The following ZNF385D variants were observed in gnomAD, a reference collection of about 807,000 sequenced individuals.
ZNF385D encodes zinc finger protein 385D.
A neutral mutation model predicts 35.8 loss-of-function variants in ZNF385D; 15 were observed. The ratio of observed to expected loss-of-function variants is 0.42; its 90% CI spans 0.28 to 0.64. ZNF385D has a LOEUF of 0.64. Among genes scored for constraint, ZNF385D ranks in the 30% least tolerant of loss-of-function variants. ZNF385D has a pLI of 0.23. For synonymous variants in ZNF385D, 212 were observed against 186.8 expected (o/e 1.13, Z -1.10); for missense variants, 474 against 494.6 (o/e 0.96, Z 0.39).
intron 3 of ZNF385D, among the ~76,000 whole-genome samples, chr3:21,768,365 T>C (rs1338733500): frequency 1.3e-5 from 2 of 152,022 alleles, no homozygotes; most frequent in East Asian, 1.9e-4. Flanking sequence ...CTGAGGATCC[T>C]GGGAAGTAGC....
chr3:22,009,896 T>C (rs1205358995), intron 3 of ZNF385D, among the ~76,000 whole-genome samples: 2 of 150,636 alleles, frequency 1.3e-5, no homozygotes, highest in Non-Finnish European at 3.0e-5. Context: ...TTCATAAAAA[T>C]ACAAAATTTT....
intron 3 of ZNF385D, among the ~76,000 whole-genome samples, chr3:22,049,312 T>C (rs1465939855): frequency 3.3e-5 from 5 of 151,216 alleles, no homozygotes; most frequent in Non-Finnish European, 7.4e-5. Flanking sequence ...TAAAATAAAA[T>C]AAAATAAAAT....
At chr3:22,358,127 C>A (rs886771912) in intron 2 of ZNF385D, among the ~76,000 whole-genome samples, 1 of 151,808 alleles carries the variant, frequency 6.6e-6, no homozygotes, top group African/African-American at 2.4e-5. Context: ...TCAAATATTT[C>A]AGCATGTTCA....
At chr3:21,496,481 T>TAC (rs1170739864) in intron 4 of ZNF385D, among the ~76,000 whole-genome samples, 4 of 141,856 alleles carry the variant, frequency 2.8e-5, no homozygotes, top group Non-Finnish European at 6.1e-5. Flanking sequence ...TATACATATA[T>TAC]ACACATATAT....
chr3:21,633,925 G>GGAAA (rs2065351075), intron 2 of ZNF385D, among the ~76,000 whole-genome samples: 1 of 152,046 alleles, frequency 6.6e-6, no homozygotes, highest in Non-Finnish European at 1.5e-5. Context: ...GCTGGGTACA[G>GGAAA]TGGCTCACAT....
intron 1 of ZNF385D, among the ~76,000 whole-genome samples, chr3:21,669,934 C>T (rs933311273): frequency 3.3e-5 from 5 of 152,078 alleles, no homozygotes; most frequent in Non-Finnish European, 7.3e-5. Flanking sequence ...TAATACAACG[C>T]TTTTAACCTT....
At chr3:21,760,302 G>A (rs1025475691) in intron 3 of ZNF385D, among the ~76,000 whole-genome samples, 16 of 152,192 alleles carry the variant, frequency 1.1e-4, no homozygotes, top group Non-Finnish European at 2.1e-4. Flanking sequence ...ACAGCCATAC[G>A]TGAATACAAC....
chr3:22,205,631 A>G (rs942579858), intron 2 of ZNF385D, among the ~76,000 whole-genome samples: 2 of 152,046 alleles, frequency 1.3e-5, no homozygotes, highest in East Asian at 3.9e-4. Flanking sequence ...AGTCTTCATT[A>G]GTTTTCTCTT....
At chr3:22,152,107 T>C (rs1272777779) in intron 3 of ZNF385D, among the ~76,000 whole-genome samples, 3 of 152,138 alleles carry the variant, frequency 2.0e-5, no homozygotes, top group African/African-American at 4.8e-5. Flanking sequence ...CACAGGTTTT[T>C]GGTTTTCTGT....
intron 1 of ZNF385D, among the ~76,000 whole-genome samples, chr3:21,713,745 C>T (rs1304220334): frequency 1.3e-5 from 2 of 152,206 alleles, no homozygotes; most frequent in African/African-American, 4.8e-5. Context: ...ATCTTGTCTT[C>T]TACCCTACCC....
chr3:21,595,380 A>T (rs1026726888), intron 2 of ZNF385D, among the ~76,000 whole-genome samples: 5 of 151,304 alleles, frequency 3.3e-5, no homozygotes, highest in African/African-American at 1.2e-4. Context: ...ATATCCCATT[A>T]TATATGTATG....
At chr3:21,656,056 C>G (rs2066063190) in intron 2 of ZNF385D, among the ~76,000 whole-genome samples, 1 of 151,830 alleles carries the variant, frequency 6.6e-6, no homozygotes, top group South Asian at 2.1e-4. Context: ...GGGTGCTAAA[C>G]TAGCTCCAAA....
intron 2 of ZNF385D, among the ~76,000 whole-genome samples, chr3:22,313,623 G>C (rs1055139494): frequency 2.6e-5 from 4 of 152,252 alleles, no homozygotes; most frequent in African/African-American, 7.2e-5. Flanking sequence ...CTAAGGCAAA[G>C]TGATACAAGT....
intron 3 of ZNF385D, among the ~76,000 whole-genome samples, chr3:21,549,219 A>G (rs1357519553): frequency 6.6e-6 from 1 of 152,192 alleles, no homozygotes; most frequent in East Asian, 1.9e-4. Context: ...TCCTCATTTC[A>G]TCCTCAGATG....
intron 4 of ZNF385D, among the ~76,000 whole-genome samples, chr3:21,502,126 A>G (rs906535699): frequency 1.3e-5 from 2 of 152,138 alleles, no homozygotes; most frequent in Admixed American, 1.3e-4. Context: ...GCTTTCTCTG[A>G]ACTCCTCTTA....
At chr3:22,024,077 C>A (rs1374498323) in intron 3 of ZNF385D, among the ~76,000 whole-genome samples, 1 of 152,160 alleles carries the variant, frequency 6.6e-6, no homozygotes, top group African/African-American at 2.4e-5. Flanking sequence ...TGGGCACAAC[C>A]TAATCAGCTG....
chr3:22,014,372 A>T (rs1199540219), intron 3 of ZNF385D, among the ~76,000 whole-genome samples: 1 of 152,176 alleles, frequency 6.6e-6, no homozygotes, highest in Admixed American at 6.5e-5. Context: ...TCACCTGCCT[A>T]GACAGTGAAA....
intron 2 of ZNF385D, among the ~76,000 whole-genome samples, chr3:22,271,221 C>CAGCAATAT (rs1256726535): frequency 6.6e-6 from 1 of 151,690 alleles, no homozygotes; most frequent in Non-Finnish European, 1.5e-5. Flanking sequence ...AGTCAGGAGA[C>CAGCAATAT]AGCAATAACA....
At chr3:21,593,374 C>A (rs570518195) in intron 2 of ZNF385D, among the ~76,000 whole-genome samples, 2 of 152,240 alleles carry the variant, frequency 1.3e-5, no homozygotes, top group African/African-American at 2.4e-5. Context: ...CGTCTTTACC[C>A]TTGAACCAGA....
Sources: allele counts gnomAD v4.1 joint callset (sites outside exome capture counted in the v4.1 genomes callset), GRCh38; gene constraint gnomAD v4.1.1; transcripts MANE v1.5; gene names NCBI Gene and HGNC (gene_info 2026-07-23, HGNC 2026-07-21).